SCOC: variants seen among roughly 807,000 people sequenced by gnomAD.
The protein encoded by SCOC is short coiled-coil protein, also known as short coiled coil protein.
Under a neutral mutation model 9.9 loss-of-function variants are expected in SCOC, and 7 were observed. That is an observed-to-expected ratio of 0.71 (90% CI 0.40 to 1.33). The LOEUF (loss-of-function observed/expected upper bound fraction) is 1.33, where lower values mean the gene tolerates loss of function less well. SCOC is among the 40% of genes most tolerant of loss of function. The probability of loss-of-function intolerance (pLI) is 0.01; values close to 1 mark genes in which losing one functional copy is unlikely to be tolerated. For missense variants in SCOC, 66 were observed against 89.7 expected, an observed-to-expected ratio of 0.74 and a Z score of 1.07; for synonymous variants, 19 against 28.2, an observed-to-expected ratio of 0.67 and a Z score of 1.03.
At chr4:140,279,333 C>G (rs1398594051) in intron 1 of SCOC, among the ~76,000 whole-genome samples, 1 of 152,132 alleles carries the variant, frequency 6.6e-6, no homozygotes, top group Non-Finnish European at 1.5e-5. Context: ...TAATAGTATA[C>G]TCATTTTTTG....
At chr4:140,367,658 G>A (rs1262910827) in intron 2 of SCOC, among the ~76,000 whole-genome samples, 7 of 152,198 alleles carry the variant, frequency 4.6e-5, no homozygotes, top group Admixed American at 4.6e-4. Context: ...GATTACAGAT[G>A]TGAGCCACTG....
chr4:140,267,806 CG>C (rs1244178850), intron 1 of SCOC, among the ~76,000 whole-genome samples: 2 of 152,142 alleles, frequency 1.3e-5, no homozygotes, highest in Non-Finnish European at 2.9e-5. Context: ...GCTGGCCTCT[CG>C]GCTCCTCCAT....
At chr4:140,295,794 G>C (rs973106208) in intron 1 of SCOC, among the ~76,000 whole-genome samples, 17 of 152,054 alleles carry the variant, frequency 1.1e-4, no homozygotes, top group African/African-American at 4.1e-4. Flanking sequence ...AGCCGGGCGC[G>C]GTGGCGGGCG....
intron 1 of SCOC, among the ~76,000 whole-genome samples, chr4:140,326,713 T>C (rs1732660264): frequency 6.6e-6 from 1 of 152,298 alleles, no homozygotes; most frequent in African/African-American, 2.4e-5. Flanking sequence ...TCTTTTATTA[T>C]CTTGTTTTAA....
In SCOC at chr4:140,316,686, C is replaced by A. The variant is rs116102170; in HGVS notation, c.-18-26935C>A. Among the ~76,000 whole-genome samples the A allele has an allele frequency of 6.6e-3, 999 of 152,164 alleles. 14 individuals carry two copies. Among genetic ancestry groups the A allele is most frequent in the East Asian group, 0.027 (141 of 5,178 alleles). On this transcript the variant is annotated intron_variant, in intron 1 of 4. Transcript: ENST00000394205. Reference sequence around the variant, plus strand: ...TTGCTGCCCTGACCACCCCACTGCACCCCAGAAGGAATCATTACAATTGAG... The same window carrying A: ...TTGCTGCCCTGACCACCCCACTGCAACCCAGAAGGAATCATTACAATTGAG...
rs1466904312 is a variant in SCOC at position 140,383,176 on chromosome 4, G to A, written c.*2072G>A. The A allele has an allele frequency of 6.6e-6, 1 of 152,184 alleles. No individual in the cohort carries two copies. The highest frequency in any genetic ancestry group is 1.9e-4 in the East Asian group (1 of 5,186). The allele number at this position is 152,184 out of a possible 1,614,324, so 9.4% of individuals were successfully genotyped here. ...TCCCTGGCTGGGAAGCCATCTTCCAGCTATAAATACAAGATTTTGGTGGCT... is the reference window on the plus strand; with the variant it reads ...TCCCTGGCTGGGAAGCCATCTTCCAACTATAAATACAAGATTTTGGTGGCT... On this transcript the variant is annotated 3_prime_UTR_variant, in exon 4 of 4. Transcript: ENST00000608372.
chr4:140,355,429 G>T (rs1467843260), intron 2 of SCOC, among the ~76,000 whole-genome samples: 1 of 151,928 alleles, frequency 6.6e-6, no homozygotes, highest in Non-Finnish European at 1.5e-5. Flanking sequence ...CTGTTTTTCA[G>T]ATTGAAAACT....
intron 1 of SCOC, among the ~76,000 whole-genome samples, chr4:140,264,498 G>A (rs895082165): frequency 6.6e-6 from 1 of 152,144 alleles, no homozygotes. Flanking sequence ...TAAGTTCCTA[G>A]CAGTTAGAAT....
intron 1 of SCOC, among the ~76,000 whole-genome samples, chr4:140,287,465 C>T (rs1435721831): frequency 6.6e-6 from 1 of 151,864 alleles, no homozygotes; most frequent in Non-Finnish European, 1.5e-5. Context: ...ACATGCTACA[C>T]ACACATCATG....
At chr4:140,359,658 A>G (rs1240690321) in intron 2 of SCOC, among the ~76,000 whole-genome samples, 1 of 152,194 alleles carries the variant, frequency 6.6e-6, no homozygotes, top group African/African-American at 2.4e-5. Context: ...TTCCAAATGC[A>G]AAATACATTT....
chr4:140,320,026 G>A (rs985149655), intron 1 of SCOC, among the ~76,000 whole-genome samples: 1 of 152,172 alleles, frequency 6.6e-6, no homozygotes, highest in Non-Finnish European at 1.5e-5. Flanking sequence ...AAGGGGCTGG[G>A]TAAAATAAGG....
At chr4:140,379,012 A>T in intron 1 of SCOC, 109 bp from the exon 2 acceptor site, 3 of 704,526 alleles carry the variant, frequency 4.3e-6, no homozygotes, top group Middle Eastern at 2.5e-4. Context: ...TTAGTAAAGC[A>T]TATGAAAAGT....
intron 1 of SCOC, 23 bp downstream of exon 1, chr4:140,373,740 G>A: frequency 6.5e-7 from 1 of 1,541,160 alleles, no homozygotes; most frequent in Non-Finnish European, 8.7e-7. Flanking sequence ...CCGGGCAGCG[G>A]AGGGCCTGGC....
At position 140,379,161 on chromosome 4, in the gene SCOC, G is replaced by A; in HGVS notation, c.-10G>A. 3.1e-6 allele frequency: 5 copies of A among 1,610,586 alleles called. No individual in the cohort carries two copies. The highest frequency in any genetic ancestry group is 4.2e-6 in the Non-Finnish European group (5 of 1,177,078). On this transcript the variant is annotated 5_prime_UTR_variant, in exon 2 of 4. Coordinates refer to ENST00000608372, the MANE Select transcript of SCOC (RefSeq NM_001153484.2). The stretch of plus-strand genomic sequence containing the variant: ...TTTTGTATCCAAGGCCCAAAAGTTT[G>A]TTACCCAAGATGATGAATGCTGACA...
chr4:140,299,106 C>T (rs952501264), intron 1 of SCOC, among the ~76,000 whole-genome samples: 1 of 152,216 alleles, frequency 6.6e-6, no homozygotes, highest in Non-Finnish European at 1.5e-5. Flanking sequence ...GCATGAGCCA[C>T]CATGTCCAGC....
Position 140,379,909 on chromosome 4 carries a change from C to T in SCOC, c.106+257C>T, listed in dbSNP as rs144122459. Reference sequence around the variant, plus strand: ...GCTAGTATGAGACCCCCTTTTAAGTCCCCATAATGTGTTACTAAGTCCGCT... The same window carrying T: ...GCTAGTATGAGACCCCCTTTTAAGTTCCCATAATGTGTTACTAAGTCCGCT... On this transcript the variant is annotated intron_variant, in intron 3 of 3. Coordinates refer to ENST00000608372, the MANE Select transcript of SCOC (RefSeq NM_001153484.2). Among the ~76,000 whole-genome samples, 7 of 152,164 alleles carry T rather than the reference C, an allele frequency of 4.6e-5. No homozygotes were observed. The East Asian group carries it at 1.2e-3, about 25-fold the overall frequency.
At chr4:140,259,968 CTT>C (rs1730594467) in intron 1 of SCOC, among the ~76,000 whole-genome samples, 1 of 152,154 alleles carries the variant, frequency 6.6e-6, no homozygotes, top group Non-Finnish European at 1.5e-5. Flanking sequence ...TCCTTTCTGC[CTT>C]TCCAAATCCT....
At chr4:140,374,921 T>C (rs1237312597) in intron 1 of SCOC, among the ~76,000 whole-genome samples, 2 of 152,346 alleles carry the variant, frequency 1.3e-5, no homozygotes, top group East Asian at 1.9e-4. Flanking sequence ...AAATAACATA[T>C]GCAAAGCATT....
At chr4:140,306,079 C>T (rs1163447749) in intron 1 of SCOC, among the ~76,000 whole-genome samples, 1 of 152,136 alleles carries the variant, frequency 6.6e-6, no homozygotes, top group African/African-American at 2.4e-5. Flanking sequence ...ATACCTAAGG[C>T]TGGGTAGTTT....
Sources: allele counts gnomAD v4.1 joint callset (sites outside exome capture counted in the v4.1 genomes callset), GRCh38; gene constraint gnomAD v4.1.1; transcripts MANE v1.5; gene names NCBI Gene and HGNC (gene_info 2026-07-23, HGNC 2026-07-21).